CDH12: variants seen among roughly 807,000 people sequenced by gnomAD.
CDH12 encodes cadherin 12, also known as cadherin-12.
Under a neutral mutation model 74.1 loss-of-function variants are expected in CDH12, and 41 were observed. The ratio of observed to expected loss-of-function variants is 0.55; its 90% CI spans 0.43 to 0.72. The LOEUF (loss-of-function observed/expected upper bound fraction) is 0.72. Ranked by LOEUF, CDH12 falls within the 30% of genes least tolerant of loss-of-function variation. CDH12 has a pLI of 0.00. For missense variants in CDH12, 945 were observed against 977.2 expected, an observed-to-expected ratio of 0.97 and a Z score of 0.44; for synonymous variants, 399 against 355.0, an observed-to-expected ratio of 1.12 and a Z score of -1.39.
At chr5:22,620,878 T>G (rs774504344) in intron 1 of CDH12, among the ~76,000 whole-genome samples, 39 of 152,296 alleles carry the variant, frequency 2.6e-4, no homozygotes, top group Admixed American at 3.3e-4. Context: ...TGTAAAACCA[T>G]AAAAGTTTTA....
rs372567732 is a variant in CDH12 at position 22,074,983 on chromosome 5, A to T, written c.231+3463T>A. Among the ~76,000 whole-genome samples the T allele has an allele frequency of 7.7e-4, 117 of 151,692 alleles. 1 individual carries two copies. Among genetic ancestry groups the T allele is most frequent in the East Asian group, 5.9e-3 (30 of 5,098 alleles). ...GGGTATATACCCAAAGGATTATAAA[A>T]CATGGTGCTATAAAGAGACATGCAC... On this transcript the variant is annotated intron_variant, in intron 5 of 14. Transcript: ENST00000382254.
chr5:21,882,698 G>C (rs1431732595), intron 6 of CDH12: 2 of 1,533,478 alleles, frequency 1.3e-6, no homozygotes, highest in Non-Finnish European at 1.7e-6. Context: ...AGATGCCCGA[G>C]CCTTAATGCT....
chr5:22,542,792 GAC>G (rs1250403855), intron 1 of CDH12, among the ~76,000 whole-genome samples: 1 of 152,128 alleles, frequency 6.6e-6, no homozygotes, highest in Non-Finnish European at 1.5e-5. Context: ...TGATGCCTAT[GAC>G]ACAGATTACA....
At chr5:22,790,399 T>G (rs1308205429) in intron 1 of CDH12, among the ~76,000 whole-genome samples, 1 of 152,132 alleles carries the variant, frequency 6.6e-6, no homozygotes, top group Non-Finnish European at 1.5e-5. Flanking sequence ...CAAAGGGTCT[T>G]GTATTTGCCA....
chr5:22,081,656 C>A (rs370586618), intron 4 of CDH12, among the ~76,000 whole-genome samples: 20 of 152,312 alleles, frequency 1.3e-4, no homozygotes, highest in African/African-American at 4.8e-4. Context: ...CATCTAAGGT[C>A]ATCTCTCAAG....
chr5:21,910,775 C>A (rs554799388), intron 6 of CDH12, among the ~76,000 whole-genome samples: 3 of 151,738 alleles, frequency 2.0e-5, no homozygotes. Context: ...ATTCCATAAA[C>A]CACTCACTAA....
chr5:22,777,691 T>C (rs1747172747), intron 1 of CDH12, among the ~76,000 whole-genome samples: 1 of 151,882 alleles, frequency 6.6e-6, no homozygotes, highest in Non-Finnish European at 1.5e-5. Flanking sequence ...GTGGCAGAGG[T>C]TCAAGGAAAG....
Position 22,315,119 on chromosome 5 carries a change from C to CTTTTTTTTTTTTTTTTT in CDH12, c.-333+90121_-333+90137dup, listed in dbSNP as rs70959715. ...GGCGCCTGCCACCGTGCCTGCCTGG[C>CTTTTTTTTTTTTTTTTT]TTTTTTTTTTTTTTTTTTTTTTTTA... On this transcript the variant is annotated intron_variant, in intron 3 of 14. Transcript: ENST00000382254. Among the ~76,000 whole-genome samples the CTTTTTTTTTTTTTTTTT allele has an allele frequency of 2.0e-3, 46 of 22,996 alleles. 17 individuals carry two copies. The highest frequency in any genetic ancestry group is 0.071 in the Middle Eastern group (1 of 14). 15.1% of individuals were successfully genotyped at this position (22,996 alleles called of 152,430 possible).
In CDH12 at chr5:22,222,121, C is replaced by A. The variant is rs576470604; in HGVS notation, c.-332-9478G>T. ...TATTAGCTGAGCAAATGGTATAATG[C>A]CCTATTGAACAAAGTATTGGCTTTC... On this transcript the variant is annotated intron_variant, in intron 3 of 14. Coordinates refer to ENST00000382254, the MANE Select transcript of CDH12 (RefSeq NM_004061.5). Among the ~76,000 whole-genome samples the A allele has an allele frequency of 3.9e-4, 59 of 151,924 alleles. 1 individual carries two copies. Among genetic ancestry groups the A allele is most frequent in the Non-Finnish European group, 6.9e-4 (47 of 67,906 alleles).
At chr5:22,482,297 C>T (rs2662485) in intron 2 of CDH12, among the ~76,000 whole-genome samples, 143,127 of 152,186 alleles carry the variant, frequency 0.94, 67,395 homozygotes, top group Admixed American at 0.97. Flanking sequence ...AATATTTTCC[C>T]GCCACACAAT....
chr5:21,947,029 G>A (rs4028775), intron 6 of CDH12, among the ~76,000 whole-genome samples: 1 of 152,162 alleles, frequency 6.6e-6, no homozygotes, highest in African/African-American at 2.4e-5. Context: ...GTGTTTGAAA[G>A]TTTCTCCTAG....
rs374493879 is a variant in CDH12, at chr5:22,698,735, A to AGTGTGT, written c.-523+154317_-523+154322dup. Among the ~76,000 whole-genome samples the AGTGTGT allele has an allele frequency of 1.7e-3, 24 of 14,520 alleles. 1 individual carries two copies. Among genetic ancestry groups the AGTGTGT allele is most frequent in the East Asian group, 3.3e-3 (1 of 304 alleles). 9.5% of individuals were successfully genotyped at this position (14,520 alleles called of 152,430 possible). A position where few individuals can be genotyped will look rare whatever the true frequency, so the allele number is the denominator to read the frequency against. The stretch of plus-strand genomic sequence containing the variant: ...TATATATATATATATATATATATAT[A>AGTGTGT]GTGTGTGTGTGTGTGTGTGTGTGTG... On this transcript the variant is annotated intron_variant, in intron 1 of 14. Coordinates refer to ENST00000382254, the MANE Select transcript of CDH12 (RefSeq NM_004061.5).
intron 3 of CDH12, among the ~76,000 whole-genome samples, chr5:22,376,248 C>T (rs997297914): frequency 1.3e-5 from 2 of 151,960 alleles, no homozygotes; most frequent in African/African-American, 4.8e-5. Flanking sequence ...GAGTCACAAA[C>T]AATCTCATGG....
At chr5:22,457,516 T>A (rs1745329956) in intron 2 of CDH12, among the ~76,000 whole-genome samples, 1 of 151,790 alleles carries the variant, frequency 6.6e-6, no homozygotes, top group Admixed American at 6.6e-5. Context: ...ACCTCCCAAG[T>A]TCCAGCAATT....
At chr5:22,128,520 CA>C (rs565637334) in intron 4 of CDH12, among the ~76,000 whole-genome samples, 2 of 151,700 alleles carry the variant, frequency 1.3e-5, no homozygotes, top group Admixed American at 6.6e-5. Context: ...ACACAAATGA[CA>C]AAAAATGTCC....
intron 4 of CDH12, among the ~76,000 whole-genome samples, chr5:22,189,483 T>C (rs1015986096): frequency 2.0e-5 from 3 of 152,076 alleles, no homozygotes; most frequent in Non-Finnish European, 2.9e-5. Context: ...TTGCATACTG[T>C]ATGCTACTAA....
At chr5:22,257,502 T>C (rs1753361573) in intron 3 of CDH12, among the ~76,000 whole-genome samples, 1 of 151,410 alleles carries the variant, frequency 6.6e-6, no homozygotes, top group South Asian at 2.1e-4. Flanking sequence ...TATTTATTTA[T>C]TTATTTATTT....
chr5:22,308,450 C>T (rs572343517), intron 3 of CDH12, among the ~76,000 whole-genome samples: 24 of 152,052 alleles, frequency 1.6e-4, no homozygotes, highest in East Asian at 9.7e-4. Context: ...CCTTTATTAA[C>T]CATTAGTTGT....
Position 22,853,044 on chromosome 5 carries a change from A to T in CDH12, c.-523+14T>A, listed in dbSNP as rs564832424. 6.6e-6 allele frequency: 1 copy of T among 152,446 alleles called. No individual in the cohort carries two copies. The highest frequency in any genetic ancestry group is 2.4e-5 in the African/African-American group (1 of 41,568). The allele number at this position is 152,446 out of a possible 1,614,324, so 9.4% of individuals were successfully genotyped here. ...CACACGCGGTGCAATCCCAATCAAA[A>T]ACGGAAGCCTTACCTGATGGCAGAA... is the stretch of plus-strand genomic sequence containing the variant. On this transcript the variant is annotated intron_variant, in intron 1 of 14. Transcript: ENST00000382254.
Sources: allele counts gnomAD v4.1 joint callset (sites outside exome capture counted in the v4.1 genomes callset), GRCh38; gene constraint gnomAD v4.1.1; transcripts MANE v1.5; gene names NCBI Gene and HGNC (gene_info 2026-07-23, HGNC 2026-07-21).